The following ZNF385B variants were observed in gnomAD, a reference collection of about 807,000 sequenced individuals.
ZNF385B encodes zinc finger protein 385B.
In ZNF385B, 23 loss-of-function variants were observed where a neutral mutation model predicts 39.2. The observed-to-expected ratio is 0.59, with a 90% confidence interval of 0.42 to 0.83. The LOEUF (loss-of-function observed/expected upper bound fraction) is 0.83, where lower values mean the gene tolerates loss of function less well. Among genes scored for constraint, ZNF385B ranks in the 40% least tolerant of loss-of-function variants. The pLI, the probability that ZNF385B is intolerant of heterozygous loss-of-function variation, is 0.00. For missense variants in ZNF385B, 552 were observed against 598.9 expected, an observed-to-expected ratio of 0.92 and a Z score of 0.82; for synonymous variants, 205 against 222.6, an observed-to-expected ratio of 0.92 and a Z score of 0.70.
chr2:179,806,343 T>C (rs1706347223), intron 1 of ZNF385B, among the ~76,000 whole-genome samples: 1 of 152,186 alleles, frequency 6.6e-6, no homozygotes, highest in Admixed American at 6.5e-5. Context: ...AATAATAGGA[T>C]ATTTCATGCT....
At chr2:179,484,882 G>A (rs1034528503) in intron 5 of ZNF385B, among the ~76,000 whole-genome samples, 1 of 152,168 alleles carries the variant, frequency 6.6e-6, no homozygotes, top group African/African-American at 2.4e-5. Flanking sequence ...GTTTCTAGTT[G>A]GAGGATGCAG....
At chr2:179,502,033 T>C (rs1234300909) in intron 5 of ZNF385B, among the ~76,000 whole-genome samples, 1 of 152,202 alleles carries the variant, frequency 6.6e-6, no homozygotes, top group Non-Finnish European at 1.5e-5. Context: ...AAAATTGGCA[T>C]TAGATCCTGA....
intron 3 of ZNF385B, among the ~76,000 whole-genome samples, chr2:179,639,746 C>T (rs371865508): frequency 6.6e-6 from 1 of 152,114 alleles, no homozygotes; most frequent in African/African-American, 2.4e-5. Context: ...AGGCAATGAT[C>T]ATCAATGGAT....
chr2:179,460,713 G>A (rs539154304), intron 6 of ZNF385B, among the ~76,000 whole-genome samples: 1 of 152,102 alleles, frequency 6.6e-6, no homozygotes, highest in South Asian at 2.1e-4. Context: ...GACTCAACCA[G>A]TCCTGTGGTC....
intron 5 of ZNF385B, among the ~76,000 whole-genome samples, chr2:179,498,763 T>C (rs1279184716): frequency 6.6e-6 from 1 of 151,794 alleles, no homozygotes; most frequent in African/African-American, 2.4e-5. Context: ...TAATGATGCA[T>C]CTTAAAGAAA....
chr2:179,737,335 G>C (rs1353853499), intron 3 of ZNF385B, among the ~76,000 whole-genome samples: 1 of 152,134 alleles, frequency 6.6e-6, no homozygotes, highest in Non-Finnish European at 1.5e-5. Flanking sequence ...TGAAATAATA[G>C]TTGGAAATGG....
intron 3 of ZNF385B, among the ~76,000 whole-genome samples, chr2:179,702,498 A>C (rs1000817688): frequency 2.6e-5 from 4 of 152,224 alleles, no homozygotes; most frequent in Non-Finnish European, 5.9e-5. Context: ...CACGTGCTAA[A>C]CAAGTGCAGT....
Position 179,698,066 on chromosome 2 carries a change from A to G in ZNF385B, c.298+71437T>C, listed in dbSNP as rs1194102504. On this transcript the variant is annotated intron_variant, in intron 3 of 9. Transcript: ENST00000410066. ...TGGAGTGGAGTGAGGGGGGAGGGAT[A>G]GCATTAGGAGATATACCTAATGTAA... Among the ~76,000 whole-genome samples the G allele has an allele frequency of 2.0e-5, 3 of 152,292 alleles. No individual in the cohort carries two copies. In the East Asian group the frequency reaches 5.8e-4, roughly 29 times the overall value.
chr2:179,631,008 C>G (rs1691153168), intron 3 of ZNF385B, among the ~76,000 whole-genome samples: 1 of 152,088 alleles, frequency 6.6e-6, no homozygotes, highest in South Asian at 2.1e-4. Context: ...CTCCAAGAAA[C>G]AGGGGGCTAT....
chr2:179,545,847 G>T (rs2060198101), intron 3 of ZNF385B, among the ~76,000 whole-genome samples: 1 of 151,732 alleles, frequency 6.6e-6, no homozygotes, highest in Non-Finnish European at 1.5e-5. Context: ...TCACCTCAGG[G>T]TAAATGAAGT....
At chr2:179,817,426 T>A (rs1358632698) in intron 1 of ZNF385B, among the ~76,000 whole-genome samples, 17 of 152,202 alleles carry the variant, frequency 1.1e-4, no homozygotes, top group Admixed American at 1.1e-3. Context: ...GCAGAATAAA[T>A]CCATGAAGTT....
chr2:179,759,622 T>C (rs1251822690), intron 3 of ZNF385B, among the ~76,000 whole-genome samples: 1 of 152,164 alleles, frequency 6.6e-6, no homozygotes, highest in Non-Finnish European at 1.5e-5. Flanking sequence ...TCTTGAATAA[T>C]TTGAAACTCA....
At chr2:179,652,487 C>T (rs759967391) in intron 3 of ZNF385B, among the ~76,000 whole-genome samples, 19 of 152,088 alleles carry the variant, frequency 1.2e-4, no homozygotes, top group Non-Finnish European at 2.6e-4. Context: ...AATAAAAGCA[C>T]ACATTACTAG....
intron 7 of ZNF385B, 60 bp downstream of exon 7, chr2:179,446,465 T>C: frequency 6.4e-7 from 1 of 1,555,068 alleles, no homozygotes. Context: ...TATGGTATTC[T>C]GATGGGAAAA....
chr2:179,725,866 T>C lies in ZNF385B; in HGVS notation c.298+43637A>G. On this transcript the variant is annotated intron_variant, in intron 3 of 9. Coordinates refer to ENST00000410066, the MANE Select transcript of ZNF385B (RefSeq NM_152520.6). Reference sequence around the variant, plus strand: ...ATATATACATATATCATATATCTCATATATACATACATGATATATATATGA... The same window carrying C: ...ATATATACATATATCATATATCTCACATATACATACATGATATATATATGA... 2.0e-5 allele frequency among the ~76,000 whole-genome samples: 3 copies of C among 149,526 alleles called. No homozygotes were observed. The South Asian group carries it at 6.3e-4, about 31-fold the overall frequency.
intron 1 of ZNF385B, among the ~76,000 whole-genome samples, chr2:179,837,694 C>T (rs1575580055): frequency 6.6e-6 from 1 of 152,294 alleles, no homozygotes; most frequent in Middle Eastern, 3.4e-3. Flanking sequence ...GCCCTCCTCA[C>T]AACAAAGTGC....
chr2:179,789,932 T>A (rs1705226724), intron 1 of ZNF385B, among the ~76,000 whole-genome samples: 1 of 152,096 alleles, frequency 6.6e-6, no homozygotes, highest in Non-Finnish European at 1.5e-5. Context: ...TTGAGGAGCA[T>A]AATTAACTCA....
At chr2:179,823,089 T>C (rs561652131) in intron 1 of ZNF385B, among the ~76,000 whole-genome samples, 2 of 152,284 alleles carry the variant, frequency 1.3e-5, no homozygotes, top group South Asian at 4.1e-4. Context: ...AACTTTGCAC[T>C]GGTCAGAAAG....
intron 3 of ZNF385B, among the ~76,000 whole-genome samples, chr2:179,750,817 G>A (rs185332054): frequency 5.9e-5 from 9 of 152,126 alleles, no homozygotes; most frequent in South Asian, 2.1e-4. Flanking sequence ...TGGTAGAAAC[G>A]CAATGATTTG....
Sources: gnomAD v4.1 joint callset for allele counts (sites outside exome capture counted in the v4.1 genomes callset) on GRCh38, gnomAD v4.1.1 for gene constraint, MANE v1.5 for transcripts, NCBI Gene and HGNC (gene_info 2026-07-23, HGNC 2026-07-21) for gene names.